The following PPP6R3 variants were observed in gnomAD, a reference collection of about 807,000 sequenced individuals.
PPP6R3 encodes serine/threonine-protein phosphatase 6 regulatory subunit 3.
A neutral mutation model predicts 110.7 loss-of-function variants in PPP6R3; 38 were observed. The observed-to-expected ratio is 0.34, with a 90% CI of 0.26 to 0.45. PPP6R3 has a LOEUF of 0.45. Among genes scored for constraint, PPP6R3 ranks in the 20% least tolerant of loss-of-function variants. The pLI, the probability that PPP6R3 is intolerant of heterozygous loss-of-function variation, is 1.00. For missense variants in PPP6R3, 870 were observed against 1,062.4 expected, an observed-to-expected ratio of 0.82 and a Z score of 2.52; for synonymous variants, 369 against 373.5, an observed-to-expected ratio of 0.99 and a Z score of 0.14.
Position 68,614,697 on chromosome 11 carries a change from G to T in PPP6R3, c.*1580G>T. ...CAGTAAGCCCTGGGACAGGTGGCAA[G>T]GGTGGGTCCCTTGACCTTTGCACGC... On this transcript the variant is annotated 3_prime_UTR_variant, in exon 24 of 24. Coordinates refer to ENST00000393800, the MANE Select transcript of PPP6R3 (RefSeq NM_001164161.2). 1 of 1,527,072 alleles carries T rather than the reference G, an allele frequency of 6.5e-7. No homozygotes were observed. Among genetic ancestry groups the T allele is most frequent in the South Asian group, 1.2e-5 (1 of 80,068 alleles). 94.6% of individuals were successfully genotyped at this position (1,527,072 alleles called of 1,614,324 possible).
intron 8 of PPP6R3, among the ~76,000 whole-genome samples, chr11:68,563,460 C>T (rs1280279675): frequency 6.6e-6 from 1 of 152,152 alleles, no homozygotes; most frequent in Non-Finnish European, 1.5e-5. Flanking sequence ...CTAGGATAAT[C>T]TTTCATCTCA....
At chr11:68,479,429 T>C (rs1393651598) in intron 1 of PPP6R3, among the ~76,000 whole-genome samples, 1 of 152,222 alleles carries the variant, frequency 6.6e-6, no homozygotes, top group Non-Finnish European at 1.5e-5. Flanking sequence ...TGATTTTGGA[T>C]TGTTTGATGA....
intron 3 of PPP6R3, among the ~76,000 whole-genome samples, chr11:68,538,448 A>G (rs1441918240): frequency 6.6e-6 from 1 of 152,210 alleles, no homozygotes; most frequent in East Asian, 1.9e-4. Flanking sequence ...GAAACTCTCC[A>G]TAGGTATGTA....
intron 8 of PPP6R3, among the ~76,000 whole-genome samples, chr11:68,563,163 C>T (rs1426229258): frequency 2.7e-5 from 4 of 150,548 alleles, no homozygotes; most frequent in African/African-American, 4.9e-5. Flanking sequence ...CTACATAGGA[C>T]GCTGAGGGAG....
At chr11:68,567,666 T>C (rs1326864089) in intron 10 of PPP6R3, among the ~76,000 whole-genome samples, 1 of 152,194 alleles carries the variant, frequency 6.6e-6, no homozygotes, top group Non-Finnish European at 1.5e-5. Context: ...CCCTGACCCC[T>C]GAATTCCCCA....
intron 5 of PPP6R3, 125 bp downstream of exon 5, chr11:68,548,329 C>A: frequency 7.7e-7 from 1 of 1,294,878 alleles, no homozygotes; most frequent in Non-Finnish European, 1.1e-6. Flanking sequence ...GTCTGGGGAG[C>A]CGGTAACAGG....
Position 68,613,513 on chromosome 11 carries a change from T to C in PPP6R3, c.*396T>C, listed in dbSNP as rs1944504449. On this transcript the variant is annotated 3_prime_UTR_variant, in exon 24 of 24. Coordinates refer to ENST00000393800, the MANE Select transcript of PPP6R3 (RefSeq NM_001164161.2). Reference sequence around the variant, plus strand: ...GACAATTATTAGTGTGACCAAAGTATTAGGCGGTTTTCATACATTTTTCAC... The same window carrying C: ...GACAATTATTAGTGTGACCAAAGTACTAGGCGGTTTTCATACATTTTTCAC... 8.1e-6 allele frequency: 8 copies of C among 988,996 alleles called. No homozygotes were observed. Among genetic ancestry groups the C allele is most frequent in the Non-Finnish European group, 9.6e-6 (8 of 832,084 alleles). 61.3% of individuals were successfully genotyped at this position (988,996 alleles called of 1,614,324 possible).
chr11:68,520,883 G>A (rs1592453556), intron 2 of PPP6R3, among the ~76,000 whole-genome samples: 1 of 151,978 alleles, frequency 6.6e-6, no homozygotes, highest in Non-Finnish European at 1.5e-5. Flanking sequence ...GCGATTATCC[G>A]GTCTTGGCCT....
At chr11:68,596,047 G>T in intron 18 of PPP6R3, 50 bp from the exon 19 acceptor site, 9 of 1,609,058 alleles carry the variant, frequency 5.6e-6, no homozygotes, top group Non-Finnish European at 7.7e-6. Context: ...TCTGGATTTA[G>T]CTGGTGGCTG....
chr11:68,556,862 G>T (rs2099401497), intron 7 of PPP6R3, among the ~76,000 whole-genome samples: 1 of 152,186 alleles, frequency 6.6e-6, no homozygotes, highest in African/African-American at 2.4e-5. Context: ...ATTGTATTTT[G>T]ACTGTCAAGT....
intron 1 of PPP6R3, among the ~76,000 whole-genome samples, chr11:68,485,461 G>C (rs1006704371): frequency 1.3e-5 from 2 of 152,070 alleles, no homozygotes; most frequent in African/African-American, 2.4e-5. Context: ...CCCGCTTCCT[G>C]ATCTTAGTGG....
intron 23 of PPP6R3, among the ~76,000 whole-genome samples, chr11:68,612,573 CT>C (rs577479967): frequency 0.013 from 1,889 of 145,646 alleles, 13 homozygotes; most frequent in East Asian, 0.017. Context: ...AAGTGGACAC[CT>C]TTTTTTTTTT....
intron 1 of PPP6R3, among the ~76,000 whole-genome samples, chr11:68,479,046 C>T (rs2098873807): frequency 6.6e-6 from 1 of 152,206 alleles, no homozygotes; most frequent in South Asian, 2.1e-4. Context: ...ACCATCTCAG[C>T]CATCCATGTT....
At chr11:68,506,430 A>T (rs2099077818) in intron 1 of PPP6R3, among the ~76,000 whole-genome samples, 1 of 140,538 alleles carries the variant, frequency 7.1e-6, no homozygotes, top group South Asian at 2.1e-4. Context: ...AAAAAAAAAA[A>T]AAAAAAAAAA....
intron 1 of PPP6R3, among the ~76,000 whole-genome samples, chr11:68,482,236 A>C (rs912900854): frequency 6.6e-6 from 1 of 151,408 alleles, no homozygotes; most frequent in South Asian, 2.1e-4. Context: ...AAAAAAAAAA[A>C]AAAACCAAAA....
intron 23 of PPP6R3, 94 bp downstream of exon 23, chr11:68,610,117 A>C: frequency 1.3e-6 from 2 of 1,510,312 alleles, no homozygotes; most frequent in Admixed American, 4.1e-5. Flanking sequence ...GATCGTTTAC[A>C]GCTGTGCTCA....
chr11:68,566,810 G>A (rs1208399945), intron 9 of PPP6R3, among the ~76,000 whole-genome samples: 4 of 152,124 alleles, frequency 2.6e-5, no homozygotes. Context: ...ATGATCCAGG[G>A]AAATTCCTTG....
At chr11:68,544,602 T>C (rs1303776328) in intron 3 of PPP6R3, among the ~76,000 whole-genome samples, 1 of 152,266 alleles carries the variant, frequency 6.6e-6, no homozygotes, top group Non-Finnish European at 1.5e-5. Context: ...CGCTCTAGTT[T>C]CTTCAGGGAA....
In PPP6R3 at chr11:68,507,525, C is replaced by T. The variant is rs112742504; in HGVS notation, c.-157-11976C>T. ...ATTTTGTGGATGATTTTTAAATTTACGGTGTGCTAGGCATTGAAGGTAAAA... is the reference window on the plus strand; with the variant it reads ...ATTTTGTGGATGATTTTTAAATTTATGGTGTGCTAGGCATTGAAGGTAAAA... On this transcript the variant is annotated intron_variant, in intron 1 of 23. Transcript: ENST00000393800. 6.6e-5 allele frequency among the ~76,000 whole-genome samples: 10 copies of T among 152,156 alleles called. 2 individuals are homozygous for T. The highest frequency in any genetic ancestry group is 1.9e-4 in the African/African-American group (8 of 41,504).
Sources: allele counts gnomAD v4.1 joint callset (sites outside exome capture counted in the v4.1 genomes callset), GRCh38; gene constraint gnomAD v4.1.1; transcripts MANE v1.5; gene names NCBI Gene and HGNC (gene_info 2026-07-23, HGNC 2026-07-21).